Variants in HECTD4 observed in about 807,000 individuals in gnomAD.
HECTD4 encodes the protein probable E3 ubiquitin-protein ligase HECTD4.
HECTD4 carries 114 observed loss-of-function variants against 471.5 expected under a neutral mutation model. The ratio of observed to expected loss-of-function variants is 0.24; its 90% CI spans 0.21 to 0.28. The LOEUF (loss-of-function observed/expected upper bound fraction) is 0.28. HECTD4 is among the 10% of genes least tolerant of loss of function. HECTD4 has a pLI of 1.00. For missense variants in HECTD4, 3,866 were observed against 5,651.5 expected (o/e 0.68, Z 10.13); for synonymous variants, 2,012 against 2,256.0 (o/e 0.89, Z 3.07).
At chr12:112,180,494 C>T (rs1376331327) in intron 62 of HECTD4, among the ~76,000 whole-genome samples, 1 of 151,368 alleles carries the variant, frequency 6.6e-6, no homozygotes, top group African/African-American at 2.4e-5. Flanking sequence ...GATATGGTAC[C>T]ACTGCATTCC....
In HECTD4 at chr12:112,265,858, A is replaced by C; in HGVS notation, c.2498+20T>G. 6.4e-7 allele frequency: 1 copy of C among 1,566,494 alleles called. No individual in the cohort carries two copies. Among genetic ancestry groups the C allele is most frequent in the Non-Finnish European group, 8.8e-7 (1 of 1,137,368 alleles). On this transcript the variant is annotated intron_variant, in intron 15 of 75. Transcript: ENST00000682272. ...ACTGAGAACACAAAGGCTAGAAGTG[A>C]ATAATATAACTGGTGTCACCTGTAA...
chr12:112,274,789 A>G, intron 10 of HECTD4, 58 bp downstream of exon 10: 1 of 1,038,608 alleles, frequency 9.6e-7, no homozygotes, highest in South Asian at 1.4e-5. Context: ...AAGACAGTTC[A>G]AGAGAAATTT....
At chr12:112,375,971 C>T (rs1240831664) in intron 1 of HECTD4, among the ~76,000 whole-genome samples, 8 of 150,880 alleles carry the variant, frequency 5.3e-5, no homozygotes, top group Admixed American at 4.0e-4. Context: ...AGCTACTTGG[C>T]AGGCTGAGGC....
At chr12:112,375,452 A>C (rs1337621348) in intron 1 of HECTD4, among the ~76,000 whole-genome samples, 7 of 152,192 alleles carry the variant, frequency 4.6e-5, no homozygotes. Flanking sequence ...AAAATGCTTA[A>C]ATTTAAAATG....
Position 112,231,670 on chromosome 12 carries a change from G to A in HECTD4, c.6043C>T (p.Arg2015Trp). The A allele has an allele frequency of 6.2e-7, 1 of 1,613,274 alleles. No individual in the cohort carries two copies. The highest frequency in any genetic ancestry group is 8.5e-7 in the Non-Finnish European group (1 of 1,179,838). The change falls in exon 39 of 76, where the codon CGG becomes TGG. Residue 2015 changes from arginine to tryptophan, a missense_variant. By Grantham distance (101) the Arg-to-Trp change is moderately radical. Around this residue, in one of 16 missense-constraint regions of HECTD4, gnomAD observed 617 missense variants for 915.1 expected, o/e 0.67. Coordinates refer to ENST00000682272, the MANE Select transcript of HECTD4 (RefSeq NM_001388303.1). ...VITEEAAAAL[R>W]KATKWAQSGL... ...GACTGTGCCCACTTGGTGGCTTTCC[G>A]CAGGGCGGCTGCAGCCTCTTCTGTA...
In HECTD4 at chr12:112,216,594, A is replaced by G. The variant is rs554981390; in HGVS notation, c.7385+179T>C. Reference sequence around the variant, plus strand: ...AATAAACAGATTTTTAAAAAATTACAGGTCAACTAGGAAGGAATCTTACTA... The same window carrying G: ...AATAAACAGATTTTTAAAAAATTACGGGTCAACTAGGAAGGAATCTTACTA... On this transcript the variant is annotated intron_variant, in intron 47 of 75. Coordinates refer to ENST00000682272, the MANE Select transcript of HECTD4 (RefSeq NM_001388303.1). Among the ~76,000 whole-genome samples the G allele has an allele frequency of 3.3e-5, 5 of 152,370 alleles. No individual in the cohort carries two copies. In the South Asian group the frequency reaches 1.0e-3, roughly 32 times the overall value.
At chr12:112,273,482 TAACTC>T (rs2034460541) in intron 11 of HECTD4, among the ~76,000 whole-genome samples, 168 bp downstream of exon 11, 1 of 152,234 alleles carries the variant, frequency 6.6e-6, no homozygotes, top group Admixed American at 6.5e-5. Context: ...TACTTAATCA[TAACTC>T]ATCTTTCATG....
intron 21 of HECTD4, among the ~76,000 whole-genome samples, chr12:112,255,309 A>C (rs772140758): frequency 2.0e-5 from 3 of 152,168 alleles, no homozygotes; most frequent in African/African-American, 7.2e-5. Flanking sequence ...TAGGAGAGAT[A>C]TGTTTCTGAA....
Position 112,210,064 on chromosome 12 carries a change from G to A in HECTD4, c.7818C>T (p.Gly2606=). The change falls in exon 50 of 76, where the codon GGC becomes GGT. Residue 2606 remains glycine, a synonymous_variant. Transcript: ENST00000682272. ...CAATCCGGCATGGTGGCCCATGAGT[G>A]CCTGGGTCTGATGCAATACTGGTGC... ...DAGTSIASDP[G]THGPPCRIAA... 1 of 1,614,044 alleles carries A rather than the reference G, an allele frequency of 6.2e-7. No homozygotes were observed. The highest frequency in any genetic ancestry group is 8.5e-7 in the Non-Finnish European group (1 of 1,179,892).
chr12:112,163,977 C>T lies in HECTD4; in HGVS notation c.12701+132G>A. The T allele has an allele frequency of 9.7e-7, 1 of 1,029,272 alleles. No homozygotes were observed. Among genetic ancestry groups the T allele is most frequent in the South Asian group, 2.2e-5 (1 of 44,558 alleles). 63.8% of individuals were successfully genotyped at this position (1,029,272 alleles called of 1,614,324 possible). On this transcript the variant is annotated intron_variant, in intron 73 of 75. Transcript: ENST00000682272. The surrounding 1 kb of genome is among the most constrained non-coding windows in gnomAD (Gnocchi z 8.2). ...GCACCCACCATCCTGCCTCATCTCCCTCTCCTGGTGAAATCCACCTGTCAC... is the reference window on the plus strand; with the variant it reads ...GCACCCACCATCCTGCCTCATCTCCTTCTCCTGGTGAAATCCACCTGTCAC...
At chr12:112,279,592 C>T (rs1041818072) in intron 8 of HECTD4, among the ~76,000 whole-genome samples, 2 of 152,170 alleles carry the variant, frequency 1.3e-5, no homozygotes, top group Non-Finnish European at 2.9e-5. Context: ...CCCTGAGCCT[C>T]CTATTTATAT....
In HECTD4 at chr12:112,304,238, A is replaced by ATTTTTT. The variant is rs760947859; in HGVS notation, c.1335+1820_1335+1825dup. On this transcript the variant is annotated intron_variant, in intron 7 of 75. Transcript: ENST00000682272. ...CCATTATTCTTAGGCTAAAGACCTA[A>ATTTTTT]TTTTTTTTTTTTTTTTTTTTTTTTG... Among the ~76,000 whole-genome samples the ATTTTTT allele has an allele frequency of 4.2e-3, 441 of 104,382 alleles. 18 individuals are homozygous for ATTTTTT. Among genetic ancestry groups the ATTTTTT allele is most frequent in the East Asian group, 0.039 (89 of 2,286 alleles). The allele number at this position is 104,382 out of a possible 152,430, so 68.5% of individuals were successfully genotyped here.
intron 22 of HECTD4, 75 bp from the exon 23 acceptor site, chr12:112,252,603 G>A: frequency 1.3e-6 from 2 of 1,524,804 alleles, no homozygotes; most frequent in Non-Finnish European, 1.8e-6. Flanking sequence ...ATGAATTTCA[G>A]AGGTTTACTT....
At chr12:112,361,327 C>T (rs2036444668) in intron 1 of HECTD4, among the ~76,000 whole-genome samples, 1 of 152,080 alleles carries the variant, frequency 6.6e-6, no homozygotes, top group African/African-American at 2.4e-5. Context: ...GTCGCCCAGG[C>T]TTGAGTGCAG....
At chr12:112,333,936 C>T (rs969672796) in intron 1 of HECTD4, among the ~76,000 whole-genome samples, 40 of 151,828 alleles carry the variant, frequency 2.6e-4, no homozygotes, top group African/African-American at 9.4e-4. Context: ...GGGCCAGGTG[C>T]GGTGGCTCAT....
At chr12:112,205,515 T>C (rs1255297886) in intron 52 of HECTD4, among the ~76,000 whole-genome samples, 11 of 152,192 alleles carry the variant, frequency 7.2e-5, no homozygotes, top group Non-Finnish European at 1.5e-4. Flanking sequence ...TTGCAGTTAT[T>C]TCATTTTCGT....
At position 112,308,896 on chromosome 12, in the gene HECTD4, G is replaced by A; in HGVS notation, c.1026-5C>T. ...TTCCGGCAGTACACAAAACCTCTGTGGAATGAAATGGAGCACAGGCTGAAT... is the reference window on the plus strand; with the variant it reads ...TTCCGGCAGTACACAAAACCTCTGTAGAATGAAATGGAGCACAGGCTGAAT... On this transcript the variant is annotated splice_region_variant and splice_polypyrimidine_tract_variant and intron_variant, in intron 5 of 75. Coordinates refer to ENST00000682272, the MANE Select transcript of HECTD4 (RefSeq NM_001388303.1). 2 of 1,535,454 alleles carry A rather than the reference G, an allele frequency of 1.3e-6. No homozygotes were observed. The highest frequency in any genetic ancestry group is 2.7e-5 in the African/African-American group (2 of 73,094).
At chr12:112,283,043 G>A (rs1249716244) in intron 8 of HECTD4, 67 bp downstream of exon 8, 4 of 1,308,882 alleles carry the variant, frequency 3.1e-6, no homozygotes, top group Non-Finnish European at 4.2e-6. Flanking sequence ...CGGACGAAGT[G>A]CTCAATAAGA....
Position 112,192,629 on chromosome 12 carries a change from C to T in HECTD4, c.9223G>A (p.Ala3075Thr), listed in dbSNP as rs1467680355. 8 of 1,609,612 alleles carry T rather than the reference C, an allele frequency of 5.0e-6. No homozygotes were observed. The highest frequency in any genetic ancestry group is 6.8e-6 in the Non-Finnish European group (8 of 1,178,372). ...TACTGGTCAGCGGTGGGGGGAGGTGCAAGCCCAGTGTTGGCTGGGGACGCG... is the reference window on the plus strand; with the variant it reads ...TACTGGTCAGCGGTGGGGGGAGGTGTAAGCCCAGTGTTGGCTGGGGACGCG... ...RDASPANTGL[A>T]PPPTADQYPS... is the part of the protein sequence containing the mutation. Residue 3075 changes from alanine (A) to threonine (T), a missense_variant, in exon 59 of 76, where the codon GCA becomes ACA. By Grantham distance (58) the Ala-to-Thr change is moderately conservative (BLOSUM62 0). Around this residue, in one of 16 missense-constraint regions of HECTD4, gnomAD observed 364 missense variants for 413.2 expected, o/e 0.88. Transcript: ENST00000682272.
Sources: gnomAD v4.1 joint callset for allele counts (sites outside exome capture counted in the v4.1 genomes callset) on GRCh38, gnomAD v4.1.1 for gene constraint, gnomAD v4.1.1 regional missense constraint, Gnocchi (gnomAD v3.1) non-coding constraint, MANE v1.5 for transcripts, NCBI Gene and HGNC (gene_info 2026-07-23, HGNC 2026-07-21) for gene names.